The following CPEB1 variants were observed in gnomAD, a reference collection of about 807,000 sequenced individuals.
The protein encoded by CPEB1 is cytoplasmic polyadenylation element binding protein 1.
CPEB1 carries 7 observed loss-of-function variants against 65.8 expected under a neutral mutation model. The observed-to-expected ratio is 0.11, with a 90% confidence interval of 0.06 to 0.20. The LOEUF (loss-of-function observed/expected upper bound fraction) is 0.20, where lower values mean the gene tolerates loss of function less well. CPEB1 is among the 10% of genes least tolerant of loss of function. The probability of loss-of-function intolerance (pLI) is 1.00; values close to 1 mark genes in which losing one functional copy is unlikely to be tolerated. For missense variants in CPEB1, 551 were observed against 712.2 expected, an observed-to-expected ratio of 0.77 and a Z score of 2.58; for synonymous variants, 262 against 260.0, an observed-to-expected ratio of 1.01 and a Z score of -0.08.
chr15:82,547,287 TA>T (rs2035399930), intron 10 of CPEB1, 50 bp from the exon 11 acceptor site: 1 of 658,286 alleles, frequency 1.5e-6, no homozygotes, highest in Admixed American at 3.2e-5. Flanking sequence ...TCCCAAATGC[TA>T]CTTTTTTTTT....
At chr15:82,614,469 T>A (rs1466623325) in intron 3 of CPEB1, among the ~76,000 whole-genome samples, 1 of 152,200 alleles carries the variant, frequency 6.6e-6, no homozygotes, top group Non-Finnish European at 1.5e-5. Context: ...AATGATAATC[T>A]AAGTAATCAC....
Position 82,593,650 on chromosome 15 carries a change from C to A in CPEB1, c.272-22118G>T, listed in dbSNP as rs940908945. 5.3e-5 allele frequency among the ~76,000 whole-genome samples: 8 copies of A among 152,292 alleles called. No individual in the cohort carries two copies. The East Asian group carries it at 1.4e-3, about 26-fold the overall frequency. On this transcript the variant is annotated intron_variant, in intron 3 of 12. Transcript: ENST00000684509. ...CTTAACAGTATCTAGAATAATGAAT[C>A]CTTTCCAGAAGGTTTTCCCAGATCC...
intron 3 of CPEB1, among the ~76,000 whole-genome samples, chr15:82,576,338 T>C (rs2040644238): frequency 6.6e-6 from 1 of 152,182 alleles, no homozygotes; most frequent in African/African-American, 2.4e-5. Context: ...GTAGCTGAGG[T>C]GATGCTAACA....
intron 3 of CPEB1, among the ~76,000 whole-genome samples, chr15:82,596,973 T>C (rs748586831): frequency 3.9e-5 from 6 of 152,108 alleles, no homozygotes; most frequent in African/African-American, 1.2e-4. Flanking sequence ...TCTGTAACCA[T>C]ATTAGAAAAC....
chr15:82,577,162 T>G (rs773293463), intron 3 of CPEB1, among the ~76,000 whole-genome samples: 3 of 152,226 alleles, frequency 2.0e-5, no homozygotes, highest in Non-Finnish European at 4.4e-5. Context: ...AATAGCATGT[T>G]GGCAAAGGTG....
At chr15:82,548,740 A>C in intron 10 of CPEB1, 1 of 455,752 alleles carries the variant, frequency 2.2e-6, no homozygotes. Flanking sequence ...GGGCTTCTGA[A>C]GTCCCTGTTC....
intron 3 of CPEB1, among the ~76,000 whole-genome samples, chr15:82,613,533 G>A (rs1033547056): frequency 6.6e-6 from 1 of 151,996 alleles, no homozygotes; most frequent in Non-Finnish European, 1.5e-5. Context: ...CTACAGGTAC[G>A]TGCCACCACA....
At position 82,636,795 on chromosome 15, in the gene CPEB1, T is replaced by C. The variant is rs190240691; in HGVS notation, c.-97-8239A>G. Among the ~76,000 whole-genome samples the C allele has an allele frequency of 1.5e-3, 222 of 152,276 alleles. 1 individual carries two copies. Among genetic ancestry groups the C allele is most frequent in the Middle Eastern group, 3.4e-3 (1 of 294 alleles). The stretch of plus-strand genomic sequence containing the variant: ...GAAAGGCAGACCCGTATCACACTCC[T>C]GTCATAGGTATTTTTACCACCTCAC... On this transcript the variant is annotated intron_variant, in intron 1 of 12. Coordinates refer to ENST00000684509, the MANE Select transcript of CPEB1 (RefSeq NM_001365242.1).
chr15:82,630,109 T>C (rs1286238209), intron 1 of CPEB1: 14 of 985,322 alleles, frequency 1.4e-5, no homozygotes, highest in African/African-American at 1.7e-5. Flanking sequence ...TGCAAAGATT[T>C]ATAACCTGCA....
At chr15:82,566,193 C>A (rs2039092322) in intron 4 of CPEB1, among the ~76,000 whole-genome samples, 1 of 152,136 alleles carries the variant, frequency 6.6e-6, no homozygotes, top group African/African-American at 2.4e-5. Flanking sequence ...CACTGAATGC[C>A]TGCATTATAA....
intron 6 of CPEB1, among the ~76,000 whole-genome samples, chr15:82,555,145 G>A (rs549969074): frequency 4.5e-4 from 68 of 152,304 alleles, no homozygotes; most frequent in African/African-American, 1.5e-3. Context: ...AGACAAAGAT[G>A]AAAAACACAT....
intron 1 of CPEB1, among the ~76,000 whole-genome samples, chr15:82,632,138 C>T (rs563525194): frequency 1.3e-5 from 2 of 151,886 alleles, no homozygotes; most frequent in South Asian, 2.1e-4. Context: ...CCCGCCACCA[C>T]GCCCGGCTCA....
At chr15:82,566,111 G>A (rs529049806) in intron 4 of CPEB1, among the ~76,000 whole-genome samples, 2 of 152,200 alleles carry the variant, frequency 1.3e-5, no homozygotes, top group South Asian at 2.1e-4. Context: ...TCAAATTTTC[G>A]GAAGCCTTCC....
intron 3 of CPEB1, among the ~76,000 whole-genome samples, chr15:82,572,498 G>A (rs1260888158): frequency 6.6e-6 from 1 of 152,082 alleles, no homozygotes; most frequent in African/African-American, 2.4e-5. Flanking sequence ...TAATCCCTGT[G>A]CCCAGGTTCC....
intron 3 of CPEB1, among the ~76,000 whole-genome samples, chr15:82,576,880 C>T (rs535018342): frequency 1.3e-5 from 2 of 152,138 alleles, no homozygotes; most frequent in African/African-American, 2.4e-5. Context: ...AAAAATCAGC[C>T]GGGCATGGTG....
At chr15:82,554,386 C>A (rs554079144) in intron 6 of CPEB1, among the ~76,000 whole-genome samples, 1 of 152,344 alleles carries the variant, frequency 6.6e-6, no homozygotes, top group South Asian at 2.1e-4. Flanking sequence ...TGCAGGCTTA[C>A]TGGTACAAAT....
At chr15:82,644,197 G>C (rs1042498531) in intron 1 of CPEB1, among the ~76,000 whole-genome samples, 6 of 152,176 alleles carry the variant, frequency 3.9e-5, no homozygotes, top group African/African-American at 1.4e-4. Context: ...GACCCACACT[G>C]ACTTCTACAG....
chr15:82,582,371 T>C (rs1482106330), intron 3 of CPEB1, among the ~76,000 whole-genome samples: 1 of 152,192 alleles, frequency 6.6e-6, no homozygotes, highest in Non-Finnish European at 1.5e-5. Flanking sequence ...AAGCCCTTAA[T>C]ATCCTGGCAC....
intron 4 of CPEB1, among the ~76,000 whole-genome samples, chr15:82,558,954 T>C (rs1326397160): frequency 5.6e-5 from 1 of 17,828 alleles, no homozygotes. Flanking sequence ...TAATTTGAAG[T>C]TTTTTTTTTT....
Sources: allele counts gnomAD v4.1 joint callset (sites outside exome capture counted in the v4.1 genomes callset), GRCh38; gene constraint gnomAD v4.1.1; transcripts MANE v1.5; gene names NCBI Gene and HGNC (gene_info 2026-07-23, HGNC 2026-07-21).